ANO4: variants seen among roughly 807,000 people sequenced by gnomAD.
ANO4 encodes the protein anoctamin-4.
In ANO4, 69 loss-of-function variants were observed where a neutral mutation model predicts 141.9. The ratio of observed to expected loss-of-function variants is 0.49; its 90% confidence interval spans 0.40 to 0.59. The LOEUF (loss-of-function observed/expected upper bound fraction) is 0.59, where lower values mean the gene tolerates loss of function less well. ANO4 is among the 20% of genes least tolerant of loss of function. The pLI is 0.00. For synonymous variants in ANO4, 350 were observed against 394.3 expected (o/e 0.89, Z 1.33); for missense variants, 894 against 1,162.2 (o/e 0.77, Z 3.36).
At chr12:101,031,398 A>C (rs2046968769) in intron 9 of ANO4, among the ~76,000 whole-genome samples, 1 of 152,238 alleles carries the variant, frequency 6.6e-6, no homozygotes, top group African/African-American at 2.4e-5. Flanking sequence ...CTTCATGCTA[A>C]AAACTCTCAA....
In ANO4 at chr12:100,999,716, A is replaced by G. The variant is rs778109933; in HGVS notation, c.734+12046A>G. On this transcript the variant is annotated intron_variant, in intron 8 of 27. Coordinates refer to ENST00000392977, the MANE Select transcript of ANO4 (RefSeq NM_001286615.2). ...GAGAGAGGGAGAGAGGAAGGTGGCA[A>G]TAGGATTTGGGGACATTAAATGAAA... Among the ~76,000 whole-genome samples the G allele has an allele frequency of 4.6e-5, 7 of 152,188 alleles. No individual in the cohort carries two copies. In the South Asian group the frequency reaches 8.3e-4, roughly 18 times the overall value.
chr12:101,026,180 C>T (rs1316966969), intron 9 of ANO4, among the ~76,000 whole-genome samples: 1 of 152,000 alleles, frequency 6.6e-6, no homozygotes, highest in Non-Finnish European at 1.5e-5. Flanking sequence ...AGCTAGGTTG[C>T]AAAAAATGAG....
intron 18 of ANO4, among the ~76,000 whole-genome samples, chr12:101,094,892 C>A (rs2049919223): frequency 6.6e-6 from 1 of 152,118 alleles, no homozygotes; most frequent in Non-Finnish European, 1.5e-5. Flanking sequence ...GAGGCTGAGG[C>A]AGGAGGATTG....
At chr12:101,003,595 A>G (rs955140051) in intron 8 of ANO4, among the ~76,000 whole-genome samples, 9 of 152,230 alleles carry the variant, frequency 5.9e-5, no homozygotes, top group African/African-American at 2.2e-4. Flanking sequence ...GTTTTGTCAC[A>G]TTCGCATGGC....
chr12:100,964,588 C>G (rs763991875), intron 5 of ANO4, among the ~76,000 whole-genome samples: 1 of 151,958 alleles, frequency 6.6e-6, no homozygotes, highest in African/African-American at 2.4e-5. Context: ...AAAGTGATGC[C>G]CAGATAGTTA....
At chr12:100,999,661 G>A (rs900826464) in intron 8 of ANO4, among the ~76,000 whole-genome samples, 3 of 152,154 alleles carry the variant, frequency 2.0e-5, no homozygotes, top group African/African-American at 2.4e-5. Flanking sequence ...GGACAGGAAA[G>A]TTTTGATGGG....
rs990690943 is a variant in ANO4 at position 101,047,913 on chromosome 12, A to G, written c.1252-428A>G. ...TTGCTCAAAACTGCATAAACAAAAT[A>G]GCCATGTTTTCAAAGTGAATAAATG... On this transcript the variant is annotated intron_variant, in intron 13 of 27. Transcript: ENST00000392977. 26 of 736,608 alleles carry G rather than the reference A, an allele frequency of 3.5e-5. No homozygotes were observed. The African/African-American group carries it at 5.0e-4, about 14-fold the overall frequency. The allele number at this position is 736,608 out of a possible 1,614,324, so 45.6% of individuals were successfully genotyped here. A position where few individuals can be genotyped will look rare whatever the true frequency, so the allele number is the denominator to read the frequency against.
chr12:100,743,791 T>A (rs964492214), intron 3 of ANO4, among the ~76,000 whole-genome samples: 2 of 152,178 alleles, frequency 1.3e-5, no homozygotes, highest in Non-Finnish European at 2.9e-5. Context: ...TTGGGTTTGT[T>A]ATACAAATTA....
Position 101,126,894 on chromosome 12 carries a change from A to G in ANO4, c.2692A>G (p.Ile898Val). Residue 898 changes from isoleucine (I) to valine (V), a missense_variant, in exon 27 of 28, where the codon ATA becomes GTA. By Grantham distance (29) the Ile-to-Val change is conservative. Coordinates refer to ENST00000392977, the MANE Select transcript of ANO4 (RefSeq NM_001286615.2). ...IIVFEHLVFC[I>V]KHLISYLIPD... ...TCTGTTTTAGCACCTCGTGTTTTGTATAAAGCACCTCATTTCATATCTGAT... is the reference window on the plus strand; with the variant it reads ...TCTGTTTTAGCACCTCGTGTTTTGTGTAAAGCACCTCATTTCATATCTGAT... 6.2e-7 allele frequency: 1 copy of G among 1,614,076 alleles called. No homozygotes were observed. The highest frequency in any genetic ancestry group is 8.5e-7 in the Non-Finnish European group (1 of 1,179,950).
At chr12:101,121,901 A>T (rs1446919177) in intron 26 of ANO4, among the ~76,000 whole-genome samples, 2 of 151,840 alleles carry the variant, frequency 1.3e-5, no homozygotes, top group African/African-American at 4.8e-5. Flanking sequence ...AGGTGGGATT[A>T]CAGGCACCCG....
intron 1 of ANO4, among the ~76,000 whole-genome samples, chr12:100,812,517 T>TAATA (rs1479759734): frequency 4.6e-5 from 7 of 152,116 alleles, no homozygotes; most frequent in African/African-American, 1.7e-4. Flanking sequence ...TATACATACA[T>TAATA]AATAATATGA....
chr12:101,060,636 C>A (rs185143628), intron 14 of ANO4, among the ~76,000 whole-genome samples: 3 of 152,080 alleles, frequency 2.0e-5, no homozygotes, highest in Admixed American at 6.6e-5. Flanking sequence ...TTATGTAATG[C>A]GCTTCTCTGT....
chr12:100,769,082 C>T (rs2033197743), intron 3 of ANO4, among the ~76,000 whole-genome samples: 1 of 152,066 alleles, frequency 6.6e-6, no homozygotes, highest in South Asian at 2.1e-4. Flanking sequence ...GACAAAAAAC[C>T]TATTTTAAAA....
At chr12:100,897,096 C>T (rs1163348774) in intron 1 of ANO4, among the ~76,000 whole-genome samples, 3 of 152,252 alleles carry the variant, frequency 2.0e-5, no homozygotes, top group Non-Finnish European at 4.4e-5. Flanking sequence ...CTACTTTGTA[C>T]TAACCTCACC....
rs60963059 is a variant in ANO4, at chr12:101,045,737, T to C, written c.1251+2102T>C. 1.9e-3 allele frequency among the ~76,000 whole-genome samples: 286 copies of C among 152,324 alleles called. 3 individuals carry two copies. In the South Asian group the frequency reaches 0.03, roughly 16 times the overall value. On this transcript the variant is annotated intron_variant, in intron 13 of 27. Transcript: ENST00000392977. ...CTCACGCTGTGGGATCATGAGGGCC[T>C]CACAGCCTGGAACTGTTCCTCCAGG...
chr12:101,023,158 C>T (rs145094257), intron 9 of ANO4, among the ~76,000 whole-genome samples: 2 of 152,118 alleles, frequency 1.3e-5, no homozygotes, highest in African/African-American at 2.4e-5. Context: ...TCAATAAAGG[C>T]GTGCTGAACT....
At chr12:100,990,932 G>A (rs2045068359) in intron 8 of ANO4, among the ~76,000 whole-genome samples, 2 of 152,138 alleles carry the variant, frequency 1.3e-5, no homozygotes, top group African/African-American at 4.8e-5. Flanking sequence ...TAAGAGCATA[G>A]GTTTGTGAGG....
chr12:100,806,407 T>G (rs1662614772), intron 1 of ANO4, among the ~76,000 whole-genome samples: 1 of 152,030 alleles, frequency 6.6e-6, no homozygotes, highest in East Asian at 1.9e-4. Context: ...CATCTTTTCA[T>G]GTGTTTACTT....
intron 1 of ANO4, among the ~76,000 whole-genome samples, chr12:100,829,640 G>A (rs1008691371): frequency 9.2e-5 from 14 of 151,964 alleles, no homozygotes; most frequent in Admixed American, 9.2e-4. Flanking sequence ...TTACTTCTGG[G>A]TGGATGTCAA....
Sources: allele counts gnomAD v4.1 joint callset (sites outside exome capture counted in the v4.1 genomes callset), GRCh38; gene constraint gnomAD v4.1.1; transcripts MANE v1.5; gene names NCBI Gene and HGNC (gene_info 2026-07-23, HGNC 2026-07-21).